CRK: variants seen among roughly 807,000 people sequenced by gnomAD.
CRK encodes the protein CRK proto-oncogene, adaptor protein, also known as adapter molecule crk.
CRK carries 4 observed loss-of-function variants against 29.8 expected under a neutral mutation model. The ratio of observed to expected loss-of-function variants is 0.13; its 90% CI spans 0.07 to 0.31. The LOEUF (loss-of-function observed/expected upper bound fraction) is 0.31, where lower values mean the gene tolerates loss of function less well. Among genes scored for constraint, CRK ranks in the 10% least tolerant of loss-of-function variants. CRK has a pLI of 1.00. For missense variants in CRK, 274 were observed against 396.5 expected, an observed-to-expected ratio of 0.69 and a Z score of 2.62; for synonymous variants, 153 against 164.9, an observed-to-expected ratio of 0.93 and a Z score of 0.55.
chr17:1,447,896 C>T (rs1162988752), intron 1 of CRK, among the ~76,000 whole-genome samples: 3 of 152,122 alleles, frequency 2.0e-5, no homozygotes, highest in African/African-American at 7.2e-5. Flanking sequence ...GGATTACAGG[C>T]GCGAGCCACC....
At chr17:1,426,158 C>T (rs2073777447) in intron 2 of CRK, 1 of 152,288 alleles carries the variant, frequency 6.6e-6, no homozygotes, top group Non-Finnish European at 1.5e-5. Context: ...TGCCCCCTAG[C>T]CTGGGCAACA....
At chr17:1,438,441 T>G (rs2073906902) in intron 1 of CRK, among the ~76,000 whole-genome samples, 1 of 152,108 alleles carries the variant, frequency 6.6e-6, no homozygotes. Context: ...CTGGTATCTT[T>G]TTAAATCTAA....
chr17:1,423,701 C>G, intron 2 of CRK, 51 bp from the exon 3 acceptor site: 2 of 1,604,134 alleles, frequency 1.2e-6, no homozygotes, highest in Non-Finnish European at 1.7e-6. Flanking sequence ...GGAATGCAAG[C>G]TGAACAACTC....
At chr17:1,430,370 T>TG (rs2073828231) in intron 2 of CRK, among the ~76,000 whole-genome samples, 1 of 143,746 alleles carries the variant, frequency 7.0e-6, no homozygotes, top group South Asian at 2.2e-4. Context: ...TTAGTATTAT[T>TG]TTTTGAGACA....
At chr17:1,432,476 TAAAAAAAA>T (rs59669841) in intron 2 of CRK, among the ~76,000 whole-genome samples, 1 of 100,960 alleles carries the variant, frequency 9.9e-6, no homozygotes, top group African/African-American at 4.2e-5. Context: ...GACCTTGTCT[TAAAAAAAA>T]AAAAAAAAAA....
At chr17:1,430,682 C>T (rs924294533) in intron 2 of CRK, among the ~76,000 whole-genome samples, 3 of 150,786 alleles carry the variant, frequency 2.0e-5, no homozygotes, top group South Asian at 2.1e-4. Flanking sequence ...GATTTTTAAA[C>T]GGATAAAGAA....
chr17:1,453,428 T>A (rs1321683519), intron 1 of CRK, among the ~76,000 whole-genome samples: 1 of 152,148 alleles, frequency 6.6e-6, no homozygotes, highest in Non-Finnish European at 1.5e-5. Flanking sequence ...CAGTTTGCCA[T>A]CATGTGACGA....
intron 2 of CRK, among the ~76,000 whole-genome samples, chr17:1,430,894 C>A (rs12944951): frequency 1.1e-4 from 16 of 151,078 alleles, no homozygotes; most frequent in Middle Eastern, 3.4e-3. Flanking sequence ...GGTGAAACCC[C>A]GTCTCTACTA....
chr17:1,430,869 C>T (rs1050154615), intron 2 of CRK, among the ~76,000 whole-genome samples: 2 of 151,256 alleles, frequency 1.3e-5, no homozygotes, highest in African/African-American at 4.9e-5. Context: ...AGATCGAGAC[C>T]ATCCTGGCTA....
intron 1 of CRK, among the ~76,000 whole-genome samples, chr17:1,441,608 C>T (rs972919507): frequency 2.0e-5 from 3 of 151,980 alleles, no homozygotes; most frequent in African/African-American, 7.2e-5. Flanking sequence ...TCTCCTGCCT[C>T]AGCCTCCCGA....
chr17:1,440,628 A>T (rs1342704100), intron 1 of CRK, among the ~76,000 whole-genome samples: 2 of 151,588 alleles, frequency 1.3e-5, no homozygotes, highest in Non-Finnish European at 2.9e-5. Flanking sequence ...AAAAACAAAA[A>T]ACAAGCCGGG....
intron 2 of CRK, among the ~76,000 whole-genome samples, chr17:1,431,745 C>T (rs559774149): frequency 6.6e-6 from 1 of 152,222 alleles, no homozygotes; most frequent in South Asian, 2.1e-4. Context: ...GTGCACCACA[C>T]TTGGCTAATT....
intron 1 of CRK, among the ~76,000 whole-genome samples, chr17:1,454,074 G>A (rs1332353496): frequency 6.6e-6 from 1 of 151,832 alleles, no homozygotes; most frequent in African/African-American, 2.4e-5. Flanking sequence ...TGGTGGTGAT[G>A]CACACCAGCA....
intron 1 of CRK, among the ~76,000 whole-genome samples, chr17:1,437,416 T>C (rs1227989536): frequency 1.3e-5 from 2 of 151,872 alleles, no homozygotes; most frequent in African/African-American, 2.4e-5. Context: ...AAAAAAACTC[T>C]AGAAAAAATA....
intron 1 of CRK, among the ~76,000 whole-genome samples, chr17:1,454,181 G>A (rs531480177): frequency 4.7e-5 from 7 of 148,396 alleles, no homozygotes; most frequent in Non-Finnish European, 7.4e-5. Flanking sequence ...CAGCCTGGGC[G>A]ACAGAGAGAC....
intron 1 of CRK, among the ~76,000 whole-genome samples, chr17:1,452,648 A>G (rs954426633): frequency 1.3e-5 from 2 of 151,908 alleles, no homozygotes; most frequent in Non-Finnish European, 1.5e-5. Flanking sequence ...AAATTAGCTG[A>G]GCATGGTGGT....
chr17:1,437,808 C>G (rs1199749699), intron 1 of CRK, among the ~76,000 whole-genome samples: 6 of 150,978 alleles, frequency 4.0e-5, no homozygotes, highest in Non-Finnish European at 7.4e-5. Context: ...CTCCCACCAC[C>G]ATGACAAGCT....
At chr17:1,435,662 T>C (rs2073881218) in intron 2 of CRK, among the ~76,000 whole-genome samples, 1 of 151,398 alleles carries the variant, frequency 6.6e-6, no homozygotes. Flanking sequence ...GGACTGCAGG[T>C]GCATGCCACC....
At chr17:1,438,616 T>C (rs921815681) in intron 1 of CRK, among the ~76,000 whole-genome samples, 4 of 147,550 alleles carry the variant, frequency 2.7e-5, no homozygotes. Context: ...AAAAAAAAAA[T>C]GCTTGGGGAA....
Sources: allele counts gnomAD v4.1 joint callset (sites outside exome capture counted in the v4.1 genomes callset), GRCh38; gene constraint gnomAD v4.1.1; transcripts MANE v1.5; gene names NCBI Gene and HGNC (gene_info 2026-07-23, HGNC 2026-07-21).